BLM: variants seen among roughly 807,000 people sequenced by gnomAD.
BLM encodes BLM RecQ like helicase.
A neutral mutation model predicts 135.3 loss-of-function variants in BLM; 95 were observed. The observed-to-expected ratio is 0.70, with a 90% CI of 0.59 to 0.83. BLM has a LOEUF of 0.83. Among genes scored for constraint, BLM ranks in the 40% least tolerant of loss-of-function variants. The probability of loss-of-function intolerance (pLI) is 0.00; values close to 1 mark genes in which losing one functional copy is unlikely to be tolerated. For synonymous variants in BLM, 520 were observed against 589.2 expected (o/e 0.88, Z 1.70); for missense variants, 1,518 against 1,663.9 (o/e 0.91, Z 1.53).
chr15:90,815,559 C>A lies in BLM; in HGVS notation c.*280C>A. 2.3e-6 allele frequency: 1 copy of A among 435,062 alleles called. No homozygotes were observed. The allele number at this position is 435,062 out of a possible 1,614,324, so 27.0% of individuals were successfully genotyped here. Reference sequence around the variant, plus strand: ...AGTGCAAGAGCTTCTGAGCATAACACGAAACCCAGAAGCCAAAGGAAGAGC... The same window carrying A: ...AGTGCAAGAGCTTCTGAGCATAACAAGAAACCCAGAAGCCAAAGGAAGAGC... On this transcript the variant is annotated 3_prime_UTR_variant, in exon 22 of 22. Coordinates refer to ENST00000355112, the MANE Select transcript of BLM (RefSeq NM_000057.4). The surrounding 1 kb of genome is among the most constrained non-coding windows in gnomAD (Gnocchi z 4.6).
intron 12 of BLM, among the ~76,000 whole-genome samples, chr15:90,773,433 C>CA (rs1199223940): frequency 5.0e-5 from 7 of 140,248 alleles, no homozygotes; most frequent in Non-Finnish European, 7.7e-5. Context: ...AACAAACAAA[C>CA]AAAAAAAGGC....
intron 1 of BLM, 31 bp from the exon 2 acceptor site, chr15:90,747,356 ACT>A (rs1437458263): frequency 1.1e-5 from 17 of 1,516,436 alleles, no homozygotes; most frequent in Non-Finnish European, 1.5e-5. Context: ...AAAGTACCTA[ACT>A]CCACTGATTT....
intron 14 of BLM, among the ~76,000 whole-genome samples, chr15:90,788,320 C>A (rs1436142355): frequency 1.3e-5 from 2 of 152,014 alleles, no homozygotes; most frequent in Non-Finnish European, 2.9e-5. Flanking sequence ...AATTTCGTAC[C>A]CAGCTCACTG....
intron 16 of BLM, among the ~76,000 whole-genome samples, chr15:90,794,695 T>TG (rs1827869693): frequency 1.3e-5 from 2 of 149,376 alleles, no homozygotes; most frequent in Non-Finnish European, 3.0e-5. Context: ...ATTTTAAATT[T>TG]AATATATTAA....
At position 90,760,711 on chromosome 15, in the gene BLM, A is replaced by G. The variant is rs2151158038; in HGVS notation, c.1338A>G (p.Thr446=). ...DGPMEGDSCP[T]GNSMKELNFS... ...CTATGGAGGGTGATTCCTGCCCTAC[A>G]GGGAATTCTATGAAGGAGTTAAATT... Residue 446 remains threonine, a synonymous_variant, in exon 7 of 22, where the codon ACA becomes ACG. Coordinates refer to ENST00000355112, the MANE Select transcript of BLM (RefSeq NM_000057.4). 2 of 1,614,192 alleles carry G rather than the reference A, an allele frequency of 1.2e-6. No homozygotes were observed. The highest frequency in any genetic ancestry group is 3.3e-4 in the Middle Eastern group (2 of 6,062).
intron 5 of BLM, among the ~76,000 whole-genome samples, chr15:90,757,637 C>T (rs1311032754): frequency 1.3e-5 from 2 of 152,138 alleles, no homozygotes; most frequent in Non-Finnish European, 2.9e-5. Flanking sequence ...TCTTCACTCC[C>T]TGTTCTGTCC....
intron 12 of BLM, among the ~76,000 whole-genome samples, chr15:90,778,706 T>G (rs561159716): frequency 6.6e-6 from 1 of 152,342 alleles, no homozygotes; most frequent in South Asian, 2.1e-4. Flanking sequence ...TGTAGACGTC[T>G]ACGACATTTT....
At chr15:90,725,059 C>A (rs1011404210) in intron 1 of BLM, among the ~76,000 whole-genome samples, 5 of 152,104 alleles carry the variant, frequency 3.3e-5, no homozygotes, top group Admixed American at 3.3e-4. Context: ...TAGGTGTGCA[C>A]CATCATGCCT....
At chr15:90,740,573 T>G (rs1244448264) in intron 1 of BLM, among the ~76,000 whole-genome samples, 1 of 152,188 alleles carries the variant, frequency 6.6e-6, no homozygotes, top group Non-Finnish European at 1.5e-5. Context: ...TGAGTACCCA[T>G]TTTTCACTCT....
At chr15:90,795,134 T>C (rs1279132977) in intron 16 of BLM, among the ~76,000 whole-genome samples, 2 of 152,228 alleles carry the variant, frequency 1.3e-5, no homozygotes, top group Non-Finnish European at 2.9e-5. Context: ...GACCATGGTA[T>C]GGACCAATTC....
chr15:90,784,437 A>T (rs1378784703), intron 13 of BLM, among the ~76,000 whole-genome samples: 2 of 142,580 alleles, frequency 1.4e-5, no homozygotes, highest in African/African-American at 5.3e-5. Flanking sequence ...GGTTAAAGTG[A>T]TTCTCCTGCC....
Position 90,790,717 on chromosome 15 carries a change from A to C in BLM, c.2892A>C (p.Ala964=), listed in dbSNP as rs973389134. The C allele has an allele frequency of 1.9e-6, 3 of 1,614,192 alleles. No homozygotes were observed. Among genetic ancestry groups the C allele is most frequent in the Non-Finnish European group, 2.5e-6 (3 of 1,180,016 alleles). Residue 964 remains alanine (A), a synonymous_variant, in exon 15 of 22, where the codon GCA becomes GCC. Transcript: ENST00000355112. ...CGGACGTGCGATTTGTGATTCATGC[A>C]TCTCTCCCTAAATCTGTGGAGGGTT... is the stretch of plus-strand genomic sequence containing the variant. The part of the protein sequence containing the change: ...DKPDVRFVIH[A]SLPKSVEGYY...
chr15:90,739,387 C>A (rs937089211), intron 1 of BLM, among the ~76,000 whole-genome samples: 1 of 152,006 alleles, frequency 6.6e-6, no homozygotes, highest in Admixed American at 6.5e-5. Flanking sequence ...GGCAACAGAG[C>A]AAGACTCCAT....
chr15:90,718,515 A>G lies in BLM; in HGVS notation c.-5+1075A>G, dbSNP rs1211957089. ...GGACAGGAATTCGAGAGACTGCATG[A>G]GAGATCAGAAGATGAAGAAGCGGGT... On this transcript the variant is annotated intron_variant, in intron 1 of 21. Transcript: ENST00000355112. Among the ~76,000 whole-genome samples, 3 of 152,234 alleles carry G rather than the reference A, an allele frequency of 2.0e-5. 1 individual carries two copies. The East Asian group carries it at 5.8e-4, about 29-fold the overall frequency.
intron 12 of BLM, among the ~76,000 whole-genome samples, chr15:90,781,773 G>A (rs939281741): frequency 1.3e-5 from 2 of 152,146 alleles, no homozygotes; most frequent in Admixed American, 6.5e-5. Flanking sequence ...CGTGGGCTGC[G>A]GGTTGGATGA....
chr15:90,759,435 A>G (rs921768145), intron 5 of BLM, among the ~76,000 whole-genome samples: 1 of 150,666 alleles, frequency 6.6e-6, no homozygotes, highest in African/African-American at 2.4e-5. Flanking sequence ...AAAGAAGAAG[A>G]TGTGTTGTGT....
At chr15:90,763,749 A>C (rs1896048436) in intron 8 of BLM, among the ~76,000 whole-genome samples, 1 of 152,208 alleles carries the variant, frequency 6.6e-6, no homozygotes, top group Non-Finnish European at 1.5e-5. Context: ...TGTTGGCCCC[A>C]CTTTAAAGAG....
rs141523916 is a variant in BLM at position 90,788,818 on chromosome 15, C to T, written c.2824-1831C>T. Among the ~76,000 whole-genome samples, 12 of 151,664 alleles carry T rather than the reference C, an allele frequency of 7.9e-5. No homozygotes were observed. In the East Asian group the frequency reaches 2.3e-3, roughly 29 times the overall value. On this transcript the variant is annotated intron_variant, in intron 14 of 21. Transcript: ENST00000355112. ...CGAAACCCCATCTCTACAAAAAATA[C>T]AAAAATTAGCCTGGCATGCTGGTGC...
intron 14 of BLM, among the ~76,000 whole-genome samples, chr15:90,786,483 C>T (rs1273736076): frequency 6.6e-6 from 1 of 152,212 alleles, no homozygotes; most frequent in Non-Finnish European, 1.5e-5. Context: ...TCTGCATTCT[C>T]ACCAGCAATG....
Sources: allele counts gnomAD v4.1 joint callset (sites outside exome capture counted in the v4.1 genomes callset), GRCh38; gene constraint gnomAD v4.1.1; non-coding constraint Gnocchi (gnomAD v3.1); transcripts MANE v1.5; gene names NCBI Gene and HGNC (gene_info 2026-07-23, HGNC 2026-07-21).